Variants in MDN1 observed in about 807,000 individuals in gnomAD.
MDN1 encodes the protein midasin.
Under a neutral mutation model 669.2 loss-of-function variants are expected in MDN1, and 266 were observed. The ratio of observed to expected loss-of-function variants is 0.40; its 90% CI spans 0.36 to 0.44. The LOEUF is 0.44. Ranked by LOEUF, MDN1 falls within the 20% of genes least tolerant of loss-of-function variation. The probability of loss-of-function intolerance (pLI) is 1.00; values close to 1 mark genes in which losing one functional copy is unlikely to be tolerated. For missense variants in MDN1, 5,940 were observed against 6,754.0 expected (o/e 0.88, Z 4.22); for synonymous variants, 2,385 against 2,457.1 (o/e 0.97, Z 0.87).
chr6:89,647,459 G>A (rs1282443098), intron 99 of MDN1, among the ~76,000 whole-genome samples: 1 of 152,154 alleles, frequency 6.6e-6, no homozygotes, highest in Non-Finnish European at 1.5e-5. Context: ...ATAAGGGTAT[G>A]GGAGATGGGT....
rs548040927 is a variant in MDN1 at position 89,788,348 on chromosome 6, A to T, written c.1231-391T>A. Among the ~76,000 whole-genome samples the T allele has an allele frequency of 2.5e-4, 38 of 152,352 alleles. 2 individuals carry two copies. Among genetic ancestry groups the T allele is most frequent in the African/African-American group, 8.7e-4 (36 of 41,574 alleles). ...CTGAATCAGGATAGAATGATTTAGA[A>T]GCAGGGCAGTGAAGTCTTCCCAGAG... On this transcript the variant is annotated intron_variant, in intron 7 of 101. Coordinates refer to ENST00000369393, the MANE Select transcript of MDN1 (RefSeq NM_014611.3).
chr6:89,726,704 C>T (rs192504582), intron 37 of MDN1, among the ~76,000 whole-genome samples: 1 of 152,070 alleles, frequency 6.6e-6, no homozygotes. Flanking sequence ...ATGAAAAGAG[C>T]TGAATGTAGG....
At chr6:89,743,546 A>G in intron 30 of MDN1, 30 bp downstream of exon 30, 1 of 1,602,642 alleles carries the variant, frequency 6.2e-7, no homozygotes, top group African/African-American at 1.3e-5. Flanking sequence ...AGTTTTTTAA[A>G]ATAACAGGAA....
chr6:89,712,929 A>T, intron 47 of MDN1, 143 bp from the exon 48 acceptor site: 2 of 839,938 alleles, frequency 2.4e-6, no homozygotes, highest in South Asian at 1.9e-5. Flanking sequence ...GTCAAATTCT[A>T]CTTTTCCTGA....
At position 89,778,927 on chromosome 6, in the gene MDN1, T is replaced by A. The variant is rs1443497866; in HGVS notation, c.1725+1285A>T. Reference sequence around the variant, plus strand: ...ATAAATAAATAAATAAATAAATAAATAAATAAAAAAAAAGGTATAGGGCCT... The same window carrying A: ...ATAAATAAATAAATAAATAAATAAAAAAATAAAAAAAAAGGTATAGGGCCT... On this transcript the variant is annotated intron_variant, in intron 11 of 101. Transcript: ENST00000369393. 2.8e-5 allele frequency among the ~76,000 whole-genome samples: 4 copies of A among 140,758 alleles called. 1 individual carries two copies. In the South Asian group the frequency reaches 8.7e-4, roughly 30 times the overall value. 92.3% of individuals were successfully genotyped at this position (140,758 alleles called of 152,430 possible).
chr6:89,814,375 A>AT (rs1768663670), intron 1 of MDN1, among the ~76,000 whole-genome samples: 1 of 147,376 alleles, frequency 6.8e-6, no homozygotes, highest in African/African-American at 2.5e-5. Flanking sequence ...GTGTTCTTTA[A>AT]TCCCCCTCCT....
chr6:89,808,756 G>A lies in MDN1; in HGVS notation c.103-5202C>T, dbSNP rs147544858. ...TATAAGTGATTCCAGGTAGACAGCT[G>A]GAATCATTCTAGGGCTCACCTTGTT... is the stretch of plus-strand genomic sequence containing the variant. On this transcript the variant is annotated intron_variant, in intron 1 of 101. Coordinates refer to ENST00000369393, the MANE Select transcript of MDN1 (RefSeq NM_014611.3). Among the ~76,000 whole-genome samples the A allele has an allele frequency of 3.8e-3, 584 of 152,124 alleles. 3 individuals are homozygous for A. Among genetic ancestry groups the A allele is most frequent in the African/African-American group, 0.014 (563 of 41,514 alleles).
chr6:89,653,227 T>C, intron 93 of MDN1, 72 bp from the exon 94 acceptor site: 3 of 1,393,134 alleles, frequency 2.2e-6, no homozygotes, highest in Non-Finnish European at 3.0e-6. Flanking sequence ...TGCTATTGCC[T>C]GTTAATCCTG....
intron 43 of MDN1, 119 bp from the exon 44 acceptor site, chr6:89,716,928 A>G (rs1814414740): frequency 8.9e-7 from 1 of 1,126,314 alleles, no homozygotes; most frequent in Admixed American, 3.3e-5. Flanking sequence ...ATAAAAGAAT[A>G]AATAGAAGAA....
chr6:89,741,162 G>A (rs1223000860), intron 31 of MDN1, among the ~76,000 whole-genome samples: 7 of 152,182 alleles, frequency 4.6e-5, no homozygotes, highest in African/African-American at 1.4e-4. Context: ...AACCCGAGAG[G>A]CAGAAGCTGC....
chr6:89,803,647 TCTCAGCTCACTGCAAG>T, intron 1 of MDN1, 93 bp from the exon 2 acceptor site: 1 of 917,068 alleles, frequency 1.1e-6, no homozygotes, highest in South Asian at 1.6e-5. Context: ...AGTGGTGCAA[TCTCAGCTCACTGCAAG>T]CTCCACCTCC....
intron 38 of MDN1, 86 bp from the exon 39 acceptor site, chr6:89,723,705 A>T: frequency 1.5e-6 from 1 of 657,050 alleles, no homozygotes; most frequent in Non-Finnish European, 2.4e-6. Context: ...ATTATGCAAA[A>T]TCTTTAATAC....
chr6:89,645,737 A>G (rs1808450898), intron 100 of MDN1, among the ~76,000 whole-genome samples: 1 of 152,228 alleles, frequency 6.6e-6, no homozygotes, highest in African/African-American at 2.4e-5. Context: ...TTTTTGCTAC[A>G]TAGTGTTTCC....
At chr6:89,685,544 A>G (rs988270412) in intron 70 of MDN1, among the ~76,000 whole-genome samples, 7 of 152,110 alleles carry the variant, frequency 4.6e-5, no homozygotes, top group Non-Finnish European at 8.8e-5. Context: ...GGACATTTAC[A>G]ATGTCTAGAC....
chr6:89,701,417 C>A (rs1484748338), intron 55 of MDN1, 141 bp downstream of exon 55: 3 of 1,086,628 alleles, frequency 2.8e-6, no homozygotes, highest in Admixed American at 2.3e-5. Context: ...AACCAATCAC[C>A]CCCAGATGCC....
intron 20 of MDN1, 121 bp downstream of exon 20, chr6:89,756,156 A>C: frequency 1.9e-6 from 1 of 515,424 alleles, no homozygotes; most frequent in Non-Finnish European, 3.4e-6. Flanking sequence ...CTAAATAATA[A>C]TCCTGCCATC....
At chr6:89,735,035 C>T (rs550713797) in intron 33 of MDN1, among the ~76,000 whole-genome samples, 2 of 151,922 alleles carry the variant, frequency 1.3e-5, no homozygotes, top group South Asian at 2.1e-4. Flanking sequence ...GGACTACAGG[C>T]GCCTGCCACA....
rs1363154362 is a variant in MDN1 at position 89,758,624 on chromosome 6, A to G, written c.2605+192T>C. Among the ~76,000 whole-genome samples the G allele has an allele frequency of 1.3e-5, 2 of 152,242 alleles. 1 individual carries two copies. The highest frequency in any genetic ancestry group is 4.8e-5 in the African/African-American group (2 of 41,460). ...CACAACTCAAACACCTTGTCAAATTATATTATTCTTCTTTGCATTCCCCAT... is the reference window on the plus strand; with the variant it reads ...CACAACTCAAACACCTTGTCAAATTGTATTATTCTTCTTTGCATTCCCCAT... On this transcript the variant is annotated intron_variant, in intron 18 of 101. Coordinates refer to ENST00000369393, the MANE Select transcript of MDN1 (RefSeq NM_014611.3).
chr6:89,660,185 C>CTAATTTTT (rs1809628148), intron 88 of MDN1, among the ~76,000 whole-genome samples: 1 of 152,056 alleles, frequency 6.6e-6, no homozygotes, highest in Non-Finnish European at 1.5e-5. Context: ...CCGCGCCTGG[C>CTAATTTTT]TAATTTTTTA....
Sources: gnomAD v4.1 joint callset for allele counts (sites outside exome capture counted in the v4.1 genomes callset) on GRCh38, gnomAD v4.1.1 for gene constraint, MANE v1.5 for transcripts, NCBI Gene and HGNC (gene_info 2026-07-23, HGNC 2026-07-21) for gene names.